Variants in AGBL1 observed in about 807,000 individuals in gnomAD.
AGBL1 encodes the protein cytosolic carboxypeptidase 4.
A neutral mutation model predicts 118.9 loss-of-function variants in AGBL1; 130 were observed. The observed-to-expected ratio is 1.09, with a 90% CI of 0.95 to 1.26. The LOEUF is 1.26. Ranked by LOEUF, AGBL1 falls within the 50% of genes most tolerant of loss-of-function variation. The probability of loss-of-function intolerance (pLI) is 0.00; values close to 1 mark genes in which losing one functional copy is unlikely to be tolerated. For synonymous variants in AGBL1, 555 were observed against 478.9 expected (o/e 1.16, Z -2.08); for missense variants, 1,584 against 1,298.1 (o/e 1.22, Z -3.38).
chr15:87,020,260 G>A (rs2347467), intron 24 of AGBL1, among the ~76,000 whole-genome samples: 58,265 of 151,640 alleles, frequency 0.38, 11,671 homozygotes, highest in East Asian at 0.52. Context: ...TCACATGATT[G>A]TCTCATTAGA....
In AGBL1 at chr15:86,262,899, G is replaced by A; in HGVS notation, c.1086+5G>A. On this transcript the variant is annotated splice_donor_5th_base_variant and intron_variant, in intron 10 of 22. Transcript: ENST00000614907. The stretch of plus-strand genomic sequence containing the variant: ...GAGCTCTCCTATAGCTTTGAGGTAG[G>A]ACATATGCTGTGGTTCTGATCTTTG... The A allele has an allele frequency of 6.3e-7, 1 of 1,586,900 alleles. No individual in the cohort carries two copies. Among genetic ancestry groups the A allele is most frequent in the Non-Finnish European group, 8.6e-7 (1 of 1,162,382 alleles).
At chr15:86,197,038 C>T (rs2077824709) in intron 5 of AGBL1, among the ~76,000 whole-genome samples, 1 of 152,102 alleles carries the variant, frequency 6.6e-6, no homozygotes, top group Non-Finnish European at 1.5e-5. Context: ...TGTGAAAAAA[C>T]ACATTTCTGT....
chr15:86,172,102 G>A (rs1055907879), intron 5 of AGBL1, among the ~76,000 whole-genome samples: 3 of 152,074 alleles, frequency 2.0e-5, no homozygotes, highest in Non-Finnish European at 4.4e-5. Context: ...CAGTGCTCAG[G>A]TGATGGTGCA....
chr15:86,951,605 T>C (rs1026752452), intron 23 of AGBL1, among the ~76,000 whole-genome samples: 1 of 152,162 alleles, frequency 6.6e-6, no homozygotes, highest in African/African-American at 2.4e-5. Context: ...AAGGCACTTG[T>C]CTGTGGGATT....
intron 5 of AGBL1, among the ~76,000 whole-genome samples, chr15:86,200,778 G>A (rs939771211): frequency 1.1e-4 from 17 of 151,776 alleles, no homozygotes; most frequent in African/African-American, 3.6e-4. Flanking sequence ...CACCACGCCC[G>A]GCTAATTGTT....
chr15:86,364,201 G>T (rs2080845519), intron 17 of AGBL1, among the ~76,000 whole-genome samples: 1 of 152,018 alleles, frequency 6.6e-6, no homozygotes, highest in Non-Finnish European at 1.5e-5. Flanking sequence ...TGAAATTCAG[G>T]ATCCTCCACA....
chr15:87,006,916 G>C (rs1018479485), intron 24 of AGBL1, among the ~76,000 whole-genome samples: 1 of 152,118 alleles, frequency 6.6e-6, no homozygotes, highest in Non-Finnish European at 1.5e-5. Context: ...TCATGGGTGA[G>C]GAGTGAGACA....
intron 17 of AGBL1, among the ~76,000 whole-genome samples, chr15:86,357,865 C>T (rs1434504374): frequency 6.6e-6 from 1 of 152,078 alleles, no homozygotes; most frequent in Non-Finnish European, 1.5e-5. Flanking sequence ...ACATATGACT[C>T]TTCTTGCCCC....
At chr15:86,321,192 C>T (rs2080099445) in intron 17 of AGBL1, among the ~76,000 whole-genome samples, 1 of 151,932 alleles carries the variant, frequency 6.6e-6, no homozygotes, top group African/African-American at 2.4e-5. Flanking sequence ...TGAGCTCTTC[C>T]TTGTATGTTT....
At chr15:86,664,972 A>C (rs7183096) in intron 21 of AGBL1, among the ~76,000 whole-genome samples, 40,917 of 151,950 alleles carry the variant, frequency 0.27, 6,441 homozygotes, top group East Asian at 0.62. Context: ...GAAAACACAC[A>C]AAGAAAATAT....
chr15:86,932,728 C>G (rs1321138604), intron 23 of AGBL1, among the ~76,000 whole-genome samples: 1 of 152,142 alleles, frequency 6.6e-6, no homozygotes, highest in Non-Finnish European at 1.5e-5. Flanking sequence ...CACTGCTTAC[C>G]ATATAATGGC....
chr15:86,893,857 G>T (rs114343988), intron 22 of AGBL1, among the ~76,000 whole-genome samples: 2 of 152,076 alleles, frequency 1.3e-5, no homozygotes, highest in Non-Finnish European at 2.9e-5. Flanking sequence ...TTATGCTATG[G>T]CATTCATTTC....
chr15:86,392,280 G>A lies in AGBL1; in HGVS notation c.2375-5086G>A, dbSNP rs537333861. Among the ~76,000 whole-genome samples, 190 of 151,772 alleles carry A rather than the reference G, an allele frequency of 1.3e-3. 1 individual carries two copies. Among genetic ancestry groups the A allele is most frequent in the African/African-American group, 4.5e-3 (185 of 41,406 alleles). ...AAAAGACTTATGTATTATTTTTAAT[G>A]GCTGCATAGCATTCTGTTTTGCATA... On this transcript the variant is annotated intron_variant, in intron 17 of 22. Coordinates refer to ENST00000614907, the MANE Select transcript of AGBL1 (RefSeq NM_001386094.1).
intron 19 of AGBL1, among the ~76,000 whole-genome samples, chr15:86,542,327 C>T (rs190004690): frequency 6.7e-5 from 10 of 150,058 alleles, no homozygotes; most frequent in African/African-American, 2.5e-4. Flanking sequence ...CCTTTGAAGG[C>T]CAGGTTTGTA....
chr15:86,433,478 T>A (rs760461611), intron 18 of AGBL1, among the ~76,000 whole-genome samples: 1 of 152,076 alleles, frequency 6.6e-6, no homozygotes, highest in African/African-American at 2.4e-5. Context: ...AAACATTGAA[T>A]GAAATATATC....
chr15:86,737,589 C>G (rs2141228378), intron 22 of AGBL1, among the ~76,000 whole-genome samples: 1 of 152,208 alleles, frequency 6.6e-6, no homozygotes, highest in Non-Finnish European at 1.5e-5. Context: ...GTAGTATGAG[C>G]TGAGCCTTGA....
At chr15:86,848,438 T>C (rs759231190) in intron 22 of AGBL1, among the ~76,000 whole-genome samples, 2 of 152,212 alleles carry the variant, frequency 1.3e-5, no homozygotes, top group Non-Finnish European at 2.9e-5. Flanking sequence ...TATCATACTT[T>C]CCTCATTAAT....
intron 6 of AGBL1, among the ~76,000 whole-genome samples, chr15:86,234,844 A>G (rs1429032159): frequency 6.6e-6 from 1 of 152,214 alleles, no homozygotes; most frequent in Non-Finnish European, 1.5e-5. Flanking sequence ...CACCATTTCA[A>G]AAGTCCTGGA....
chr15:86,953,803 A>T (rs1232269345), intron 23 of AGBL1, among the ~76,000 whole-genome samples: 3 of 152,178 alleles, frequency 2.0e-5, no homozygotes, highest in Non-Finnish European at 4.4e-5. Flanking sequence ...GTCGTTTATT[A>T]GTTCTAGGAG....
Sources: gnomAD v4.1 joint callset for allele counts (sites outside exome capture counted in the v4.1 genomes callset) on GRCh38, gnomAD v4.1.1 for gene constraint, MANE v1.5 for transcripts, NCBI Gene and HGNC (gene_info 2026-07-23, HGNC 2026-07-21) for gene names.